RBM12: variants seen among roughly 807,000 people sequenced by gnomAD.
The protein encoded by RBM12 is RNA binding motif protein 12.
In RBM12, 24 loss-of-function variants were observed where a neutral mutation model predicts 37.2. That is an observed-to-expected ratio of 0.65 (90% confidence interval 0.47 to 0.91). The LOEUF (loss-of-function observed/expected upper bound fraction) is 0.91, where lower values mean the gene tolerates loss of function less well. Among genes scored for constraint, RBM12 ranks in the 40% least tolerant of loss-of-function variants. The pLI, the probability that RBM12 is intolerant of heterozygous loss-of-function variation, is 0.00. For synonymous variants in RBM12, 420 were observed against 425.2 expected (o/e 0.99, Z 0.15); for missense variants, 1,061 against 1,183.2 (o/e 0.90, Z 1.52).
At chr20:35,656,516 AT>A (rs1232713653) in intron 2 of RBM12, among the ~76,000 whole-genome samples, 4 of 152,332 alleles carry the variant, frequency 2.6e-5, no homozygotes, top group Admixed American at 2.6e-4. Context: ...TTTCCAACCC[AT>A]CTGAAAAGTC....
At chr20:35,660,971 T>C (rs2034201858) in intron 1 of RBM12, among the ~76,000 whole-genome samples, 1 of 152,222 alleles carries the variant, frequency 6.6e-6, no homozygotes, top group Non-Finnish European at 1.5e-5. Flanking sequence ...AAGGAAGATA[T>C]TTCTCATTCC....
chr20:35,654,597 C>G lies in RBM12; in HGVS notation c.726G>C (p.Ser242=). The G allele has an allele frequency of 6.2e-7, 1 of 1,614,176 alleles. No homozygotes were observed. The highest frequency in any genetic ancestry group is 8.5e-7 in the Non-Finnish European group (1 of 1,180,032). ...GTGGCGGATTCAAGGGCGGCATGCC[C>G]GACATGGGTGGCAGTGGGGTCATGG... ...VPPMTPLPPM[S]GMPPLNPPPV... Residue 242 remains serine, a synonymous_variant, in exon 3 of 3, where the codon TCG becomes TCC. Transcript: ENST00000374114.
At chr20:35,656,149 A>G (rs1193593737) in intron 2 of RBM12, among the ~76,000 whole-genome samples, 8 of 152,228 alleles carry the variant, frequency 5.3e-5, no homozygotes, top group Non-Finnish European at 8.8e-5. Flanking sequence ...CTCAGGTCCA[A>G]TGACTCATAA....
chr20:35,663,687 T>C (rs2034363264), intron 1 of RBM12, among the ~76,000 whole-genome samples: 1 of 152,106 alleles, frequency 6.6e-6, no homozygotes, highest in Non-Finnish European at 1.5e-5. Context: ...TAATACTGAG[T>C]AACCCTCACA....
intron 1 of RBM12, among the ~76,000 whole-genome samples, chr20:35,661,363 G>T (rs1424850758): frequency 1.3e-5 from 2 of 152,100 alleles, no homozygotes; most frequent in Non-Finnish European, 2.9e-5. Context: ...AAAAATCCAC[G>T]CCATTTACCT....
chr20:35,659,124 A>G (rs1215304176), intron 1 of RBM12, 110 bp from the exon 2 acceptor site: 1 of 409,678 alleles, frequency 2.4e-6, no homozygotes, highest in Admixed American at 4.4e-5. Flanking sequence ...AGAGTACTTC[A>G]TTAGAATGCA....
In RBM12 at chr20:35,651,716, A is replaced by T. The variant is rs1455970635; in HGVS notation, c.*808T>A. On this transcript the variant is annotated 3_prime_UTR_variant, in exon 3 of 3. Transcript: ENST00000374114. Reference sequence around the variant, plus strand: ...TCGATACCATCCAAACAACATGAACAATTTTTAAACTGACTAACCTAAATC... The same window carrying T: ...TCGATACCATCCAAACAACATGAACTATTTTTAAACTGACTAACCTAAATC... 2 of 152,650 alleles carry T rather than the reference A, an allele frequency of 1.3e-5. No homozygotes were observed. Among genetic ancestry groups the T allele is most frequent in the Non-Finnish European group, 2.9e-5 (2 of 68,034 alleles). The allele number at this position is 152,650 out of a possible 1,614,324, so 9.5% of individuals were successfully genotyped here.
In RBM12 at chr20:35,652,352, C is replaced by G; in HGVS notation, c.*172G>C. The G allele has an allele frequency of 2.9e-6, 2 of 698,520 alleles. No homozygotes were observed. Among genetic ancestry groups the G allele is most frequent in the Non-Finnish European group, 4.7e-6 (2 of 428,852 alleles). The allele number at this position is 698,520 out of a possible 1,614,324, so 43.3% of individuals were successfully genotyped here. A position where few individuals can be genotyped will look rare whatever the true frequency, so the allele number is the denominator to read the frequency against. Reference sequence around the variant, plus strand: ...TACTGTAACATACAGCAATGTTTATCCTGGTGAGTGAGTCTTCTGTAAACA... The same window carrying G: ...TACTGTAACATACAGCAATGTTTATGCTGGTGAGTGAGTCTTCTGTAAACA... On this transcript the variant is annotated 3_prime_UTR_variant, in exon 3 of 3. Transcript: ENST00000374114.
rs990171550 is a variant in RBM12 at position 35,652,938 on chromosome 20, G to C, written c.2385C>G (p.Gly795=). ...CCGGGGGACCGCCTAAGCTACCAGG[G>C]CCATTTCCAAAATTCTGAGGGCCCC... The part of the protein sequence containing the change: ...FGGGPQNFGN[G]PGSLGGPPGF... The change falls in exon 3 of 3, where the codon GGC becomes GGG. Residue 795 remains glycine, a synonymous_variant. Coordinates refer to ENST00000374114, the MANE Select transcript of RBM12 (RefSeq NM_006047.6). 1 of 1,613,656 alleles carries C rather than the reference G, an allele frequency of 6.2e-7. No homozygotes were observed. The highest frequency in any genetic ancestry group is 1.3e-5 in the African/African-American group (1 of 74,924).
chr20:35,662,856 A>G (rs1346559020), intron 1 of RBM12, among the ~76,000 whole-genome samples: 1 of 152,248 alleles, frequency 6.6e-6, no homozygotes, highest in Non-Finnish European at 1.5e-5. Context: ...TTAGCATGTA[A>G]CAATACGTTG....
rs2033577661 is a variant in RBM12, at chr20:35,652,274, T to G, written c.*250A>C. The G allele has an allele frequency of 2.7e-6, 1 of 375,958 alleles. No homozygotes were observed. The highest frequency in any genetic ancestry group is 4.2e-5 in the Admixed American group (1 of 23,780). The allele number at this position is 375,958 out of a possible 1,614,324, so 23.3% of individuals were successfully genotyped here. ...TATGTGGTCATTTGAGTTTTACAAA[T>G]GGTTTCTCTAATGGTATGCCAAAAT... On this transcript the variant is annotated 3_prime_UTR_variant, in exon 3 of 3. Coordinates refer to ENST00000374114, the MANE Select transcript of RBM12 (RefSeq NM_006047.6).
Position 35,654,486 on chromosome 20 carries a change from C to A in RBM12, c.837G>T (p.Pro279=), listed in dbSNP as rs140930448. 1.5e-5 allele frequency: 25 copies of A among 1,614,038 alleles called. No homozygotes were observed. Among genetic ancestry groups the A allele is most frequent in the Admixed American group, 1.2e-4 (7 of 60,002 alleles). ...NNNLNPMFLG[P]LNPVNPIQMN... ...TCTGGATAGGGTTAACAGGATTCAA[C>A]GGACCAAGAAACATAGGATTCAGAT... Residue 279 remains proline, a synonymous_variant, in exon 3 of 3, where the codon CCG becomes CCT. Coordinates refer to ENST00000374114, the MANE Select transcript of RBM12 (RefSeq NM_006047.6).
In RBM12 at chr20:35,654,031, C is replaced by T. The variant is rs2033725352; in HGVS notation, c.1292G>A (p.Cys431Tyr). 1 of 1,614,072 alleles carries T rather than the reference C, an allele frequency of 6.2e-7. No homozygotes were observed. The highest frequency in any genetic ancestry group is 8.5e-7 in the Non-Finnish European group (1 of 1,180,034). The change falls in exon 3 of 3, where the codon TGT becomes TAT. Residue 431 changes from cysteine to tyrosine, a missense_variant. This residue lies in a region of RBM12 where 540 missense variants were observed against 632.7 expected (regional missense o/e 0.85). Transcript: ENST00000374114. The stretch of plus-strand genomic sequence containing the variant: ...AAATGGTAGCCCTTTCAAGTAAACA[C>T]AAAAACCAGCCTCATGTGGTGATCT... Reference protein sequence around the residue: ...RSRSPHEAGFCVYLKGLPFEA... With the variant: ...RSRSPHEAGFYVYLKGLPFEA...
In RBM12 at chr20:35,653,356, C is replaced by G; in HGVS notation, c.1967G>C (p.Gly656Ala). The G allele has an allele frequency of 6.2e-7, 1 of 1,614,136 alleles. No homozygotes were observed. Among genetic ancestry groups the G allele is most frequent in the Non-Finnish European group, 8.5e-7 (1 of 1,179,998 alleles). ...NPAVPGMPNA[G>A]LPGVGLPSAG... is the part of the protein sequence containing the mutation. Reference sequence around the variant, plus strand: ...ACTGGGCAGTCCCACACCGGGCAGTCCCGCATTGGGCATTCCTGGAACTGC... The same window carrying G: ...ACTGGGCAGTCCCACACCGGGCAGTGCCGCATTGGGCATTCCTGGAACTGC... Residue 656 changes from glycine to alanine, a missense_variant, in exon 3 of 3, where the codon GGA becomes GCA. Coordinates refer to ENST00000374114, the MANE Select transcript of RBM12 (RefSeq NM_006047.6).
chr20:35,659,360 G>T (rs531517747), intron 1 of RBM12, among the ~76,000 whole-genome samples: 1 of 152,104 alleles, frequency 6.6e-6, no homozygotes, highest in African/African-American at 2.4e-5. Context: ...AGAAAACTCC[G>T]TAACACAAGT....
intron 1 of RBM12, among the ~76,000 whole-genome samples, chr20:35,661,636 T>C (rs2034235661): frequency 6.6e-6 from 1 of 152,148 alleles, no homozygotes; most frequent in Non-Finnish European, 1.5e-5. Flanking sequence ...CATGCACAAA[T>C]CACAAGTATC....
intron 1 of RBM12, among the ~76,000 whole-genome samples, chr20:35,663,898 C>G (rs1265570824): frequency 6.6e-6 from 1 of 152,184 alleles, no homozygotes; most frequent in Non-Finnish European, 1.5e-5. Flanking sequence ...AATTAACTCT[C>G]CATCAAAAGC....
Position 35,650,181 on chromosome 20 carries a change from C to T in RBM12, c.*2343G>A, listed in dbSNP as rs1038663839. On this transcript the variant is annotated 3_prime_UTR_variant, in exon 3 of 3. Coordinates refer to ENST00000374114, the MANE Select transcript of RBM12 (RefSeq NM_006047.6). ...CAAAGCATTTAATTACAGTCCACAA[C>T]GAGCACTGTTGTGATTCATATAAAA... 6.5e-6 allele frequency: 1 copy of T among 152,692 alleles called. No individual in the cohort carries two copies. The highest frequency in any genetic ancestry group is 6.5e-5 in the Admixed American group (1 of 15,302). The allele number at this position is 152,692 out of a possible 1,614,324, so 9.5% of individuals were successfully genotyped here.
Position 35,653,973 on chromosome 20 carries a change from A to T in RBM12, c.1350T>A (p.Phe450Leu). The T allele has an allele frequency of 6.2e-7, 1 of 1,614,124 alleles. No individual in the cohort carries two copies. Among genetic ancestry groups the T allele is most frequent in the Non-Finnish European group, 8.5e-7 (1 of 1,180,000 alleles). Reference protein sequence around the residue: ...EAENKHVIDFFKKLDIVEDSI... With the variant: ...EAENKHVIDFLKKLDIVEDSI... ...TATCTTCCACAATATCCAGCTTTTT[A>T]AAAAAATCAATGACATGTTTGTTTT... The change falls in exon 3 of 3, where the codon TTT becomes TTA. Residue 450 changes from phenylalanine (F) to leucine (L), a missense_variant. Transcript: ENST00000374114.
Sources: gnomAD v4.1 joint callset for allele counts (sites outside exome capture counted in the v4.1 genomes callset) on GRCh38, gnomAD v4.1.1 for gene constraint, gnomAD v4.1.1 regional missense constraint, MANE v1.5 for transcripts, NCBI Gene and HGNC (gene_info 2026-07-23, HGNC 2026-07-21) for gene names.